DPYSL2: variants seen among roughly 807,000 people sequenced by gnomAD.
The protein encoded by DPYSL2 is dihydropyrimidinase like 2.
Under a neutral mutation model 69.9 loss-of-function variants are expected in DPYSL2, and 13 were observed. The ratio of observed to expected loss-of-function variants is 0.19; its 90% CI spans 0.12 to 0.30. The LOEUF is 0.30. DPYSL2 is among the 10% of genes least tolerant of loss of function. DPYSL2 has a pLI of 1.00. For synonymous variants in DPYSL2, 326 were observed against 359.1 expected, an observed-to-expected ratio of 0.91 and a Z score of 1.04; for missense variants, 587 against 918.9, an observed-to-expected ratio of 0.64 and a Z score of 4.67.
intron 1 of DPYSL2, among the ~76,000 whole-genome samples, chr8:26,569,378 A>AAAC (rs1394585201): frequency 2.9e-4 from 5 of 16,998 alleles, no homozygotes; most frequent in Admixed American, 9.1e-4. Flanking sequence ...AAACAAAAAC[A>AAAC]AAAAAAAACC....
rs1808299027 is a variant in DPYSL2, at chr8:26,516,926, T to TG, written c.354+2247_354+2248insG. On this transcript the variant is annotated intron_variant, in intron 1 of 13. Transcript: ENST00000521913. This position sits in a 1 kb window ranked among gnomAD's most constrained non-coding sequence, Gnocchi z 4.8. ...CTGTGGCTATACATGTGTTTATATT[T>TG]ATAACAATGTGACTTCCGAAAAGCT... Among the ~76,000 whole-genome samples the TG allele has an allele frequency of 6.6e-6, 1 of 152,254 alleles. No individual in the cohort carries two copies. The highest frequency in any genetic ancestry group is 2.4e-5 in the African/African-American group (1 of 41,468).
chr8:26,639,185 C>T (rs1453304364), intron 8 of DPYSL2, among the ~76,000 whole-genome samples: 1 of 152,124 alleles, frequency 6.6e-6, no homozygotes, highest in Non-Finnish European at 1.5e-5. Flanking sequence ...GGGATGAGTC[C>T]TTAGTTAAGC....
At chr8:26,622,448 A>ATGTGTGTGTGTG (rs10606826) in intron 3 of DPYSL2, among the ~76,000 whole-genome samples, 1 of 142,644 alleles carries the variant, frequency 7.0e-6, no homozygotes, top group African/African-American at 2.6e-5. Context: ...GCCATATTGT[A>ATGTGTGTGTGTG]TGTGTGTGTG....
chr8:26,599,994 TATA>T (rs1801954862), intron 3 of DPYSL2, among the ~76,000 whole-genome samples: 1 of 152,214 alleles, frequency 6.6e-6, no homozygotes, highest in African/African-American at 2.4e-5. Flanking sequence ...GGACATTTCA[TATA>T]AATGGAATAA....
rs1375151008 is a variant in DPYSL2, at chr8:26,617,928, A to G, written c.629-6215A>G. On this transcript the variant is annotated intron_variant, in intron 3 of 13. Coordinates refer to ENST00000521913, the MANE Select transcript of DPYSL2 (RefSeq NM_001197293.3). The surrounding 1 kb of genome is among the most constrained non-coding windows in gnomAD (Gnocchi z 4.7). Reference sequence around the variant, plus strand: ...CATGTTCTAAAATTAGATTATTGCAATGGTTGTAAAGCTCTGTGAGTGAAC... The same window carrying G: ...CATGTTCTAAAATTAGATTATTGCAGTGGTTGTAAAGCTCTGTGAGTGAAC... Among the ~76,000 whole-genome samples the G allele has an allele frequency of 1.3e-5, 2 of 151,956 alleles. No homozygotes were observed. The highest frequency in any genetic ancestry group is 2.9e-5 in the Non-Finnish European group (2 of 67,982).
At chr8:26,623,459 G>T (rs760583914) in intron 3 of DPYSL2, among the ~76,000 whole-genome samples, 15 of 152,210 alleles carry the variant, frequency 9.9e-5, no homozygotes, top group Non-Finnish European at 1.9e-4. Context: ...GGGCAGTGGA[G>T]ATTAAGGAGT....
chr8:26,634,414 G>C (rs1367221038), intron 7 of DPYSL2, among the ~76,000 whole-genome samples: 1 of 139,656 alleles, frequency 7.2e-6, no homozygotes, highest in East Asian at 2.3e-4. Flanking sequence ...ACAGTCACCT[G>C]CTGCCATGCC....
rs1214866914 is a variant in DPYSL2, at chr8:26,655,783, C to CT, written c.*90dup. The CT allele has an allele frequency of 0.076, 64,280 of 843,410 alleles. 34 individuals carry two copies. Among genetic ancestry groups the CT allele is most frequent in the Non-Finnish European group, 0.08 (49,643 of 619,210 alleles). 52.2% of individuals were successfully genotyped at this position (843,410 alleles called of 1,614,324 possible). A position where few individuals can be genotyped will look rare whatever the true frequency, so the allele number is the denominator to read the frequency against. On this transcript the variant is annotated 3_prime_UTR_variant, in exon 14 of 14. Coordinates refer to ENST00000521913, the MANE Select transcript of DPYSL2 (RefSeq NM_001197293.3). Reference sequence around the variant, plus strand: ...CATTCTGAGACTTCTTTCTTCCTTCCTTTTTTTTTTTTTGTTTTTTTTTTT... The same window carrying CT: ...CATTCTGAGACTTCTTTCTTCCTTCCTTTTTTTTTTTTTTGTTTTTTTTTTT...
Position 26,644,319 on chromosome 8 carries a change from T to C in DPYSL2, c.1425+228T>C, listed in dbSNP as rs1803115399. On this transcript the variant is annotated intron_variant, in intron 10 of 13. Transcript: ENST00000521913. The surrounding 1 kb of genome is among the most constrained non-coding windows in gnomAD (Gnocchi z 4.5). ...ATTTCTTTTTAAAACAATTTTTAAA[T>C]TTTTTTCAGACAAGGTCTTGCTCTG... 6.6e-6 allele frequency among the ~76,000 whole-genome samples: 1 copy of C among 152,170 alleles called. No homozygotes were observed. The highest frequency in any genetic ancestry group is 1.5e-5 in the Non-Finnish European group (1 of 68,026).
In DPYSL2 at chr8:26,621,222, GGGT is replaced by G. The variant is rs1216999158; in HGVS notation, c.629-2911_629-2909del. Among the ~76,000 whole-genome samples the G allele has an allele frequency of 6.6e-6, 1 of 152,160 alleles. No individual in the cohort carries two copies. Among genetic ancestry groups the G allele is most frequent in the South Asian group, 2.1e-4 (1 of 4,828 alleles). ...CCCAAATTTGAATAGGTTGATTTTG[GGGT>G]GGTGGTGGTAATGGGATTATTAACT... On this transcript the variant is annotated intron_variant, in intron 3 of 13. Coordinates refer to ENST00000521913, the MANE Select transcript of DPYSL2 (RefSeq NM_001197293.3). This position sits in a 1 kb window ranked among gnomAD's most constrained non-coding sequence, Gnocchi z 4.9.
At chr8:26,592,164 A>AT in intron 3 of DPYSL2, among the ~76,000 whole-genome samples, 1 of 152,164 alleles carries the variant, frequency 6.6e-6, no homozygotes, top group South Asian at 2.1e-4. Context: ...AGAGAGTTTT[A>AT]TTTATTTATT....
chr8:26,569,354 C>CAAAAA (rs771471331), intron 1 of DPYSL2, among the ~76,000 whole-genome samples: 1 of 52,268 alleles, frequency 1.9e-5, no homozygotes, highest in Non-Finnish European at 4.1e-5. Context: ...ACCCTATCTC[C>CAAAAA]AAAAAAAAAA....
chr8:26,567,810 T>C (rs1258296347), intron 1 of DPYSL2, among the ~76,000 whole-genome samples: 3 of 152,148 alleles, frequency 2.0e-5, no homozygotes, highest in Non-Finnish European at 4.4e-5. Context: ...TGGCCTTAGA[T>C]GGGGAGAAGA....
intron 1 of DPYSL2, among the ~76,000 whole-genome samples, chr8:26,551,324 AT>A (rs1800870662): frequency 6.6e-6 from 1 of 152,206 alleles, no homozygotes; most frequent in Admixed American, 6.5e-5. Flanking sequence ...AGCTAGGAAA[AT>A]TATCAGGGAT....
chr8:26,546,242 G>T (rs940852578), intron 1 of DPYSL2, among the ~76,000 whole-genome samples: 1 of 152,110 alleles, frequency 6.6e-6, no homozygotes, highest in African/African-American at 2.4e-5. Context: ...ATTTCATTTC[G>T]TGGGTGCTCA....
rs367615534 is a variant in DPYSL2, at chr8:26,653,443, G to T, written c.1942+46G>T. 6.4e-6 allele frequency: 10 copies of T among 1,561,138 alleles called. No individual in the cohort carries two copies. Among genetic ancestry groups the T allele is most frequent in the South Asian group, 1.2e-5 (1 of 83,862 alleles). On this transcript the variant is annotated intron_variant, in intron 13 of 13. Coordinates refer to ENST00000521913, the MANE Select transcript of DPYSL2 (RefSeq NM_001197293.3). This position sits in a 1 kb window ranked among gnomAD's most constrained non-coding sequence, Gnocchi z 5.7. Reference sequence around the variant, plus strand: ...GGGCACAGTTCTGCAGGGCCAGCTCGCTGGTGCTGGCGAGGCTACAGTTGC... The same window carrying T: ...GGGCACAGTTCTGCAGGGCCAGCTCTCTGGTGCTGGCGAGGCTACAGTTGC...
At chr8:26,528,636 ACT>A (rs1206963445) in intron 1 of DPYSL2, among the ~76,000 whole-genome samples, 11 of 150,372 alleles carry the variant, frequency 7.3e-5, no homozygotes, top group Admixed American at 6.6e-4. Context: ...ACTAAGGGAG[ACT>A]CTGTCTAAAA....
At chr8:26,646,375 C>T (rs1429595420) in intron 10 of DPYSL2, among the ~76,000 whole-genome samples, 2 of 152,132 alleles carry the variant, frequency 1.3e-5, no homozygotes, top group South Asian at 2.1e-4. Flanking sequence ...CTGCTTTATA[C>T]GCCACCACCA....
At chr8:26,584,613 CTTTTTT>C (rs35587383) in intron 3 of DPYSL2, among the ~76,000 whole-genome samples, 3 of 100,138 alleles carry the variant, frequency 3.0e-5, no homozygotes, top group Non-Finnish European at 5.9e-5. Flanking sequence ...GGGCTTTGTG[CTTTTTT>C]TTTTTTTTTT....
Sources: gnomAD v4.1 joint callset for allele counts (sites outside exome capture counted in the v4.1 genomes callset) on GRCh38, gnomAD v4.1.1 for gene constraint, Gnocchi (gnomAD v3.1) non-coding constraint, MANE v1.5 for transcripts, NCBI Gene and HGNC (gene_info 2026-07-23, HGNC 2026-07-21) for gene names.